The following HELZ variants were observed in gnomAD, a reference collection of about 807,000 sequenced individuals.
HELZ encodes the protein ATP-dependent RNA helicase with zinc finger domain.
In HELZ, 23 loss-of-function variants were observed where a neutral mutation model predicts 218.2. The observed-to-expected ratio is 0.11, with a 90% CI of 0.08 to 0.15. The LOEUF (loss-of-function observed/expected upper bound fraction) is 0.15, where lower values mean the gene tolerates loss of function less well. HELZ is among the 10% of genes least tolerant of loss of function. The probability of loss-of-function intolerance (pLI) is 1.00; values close to 1 mark genes in which losing one functional copy is unlikely to be tolerated. For synonymous variants in HELZ, 814 were observed against 829.4 expected (o/e 0.98, Z 0.32); for missense variants, 1,813 against 2,353.7 (o/e 0.77, Z 4.75).
At chr17:67,079,770 T>A (rs2143524626) in intron 32 of HELZ, among the ~76,000 whole-genome samples, 1 of 152,372 alleles carries the variant, frequency 6.6e-6, no homozygotes, top group East Asian at 1.9e-4. Flanking sequence ...TTGTTGTGGT[T>A]ACAGTTTGCA....
chr17:67,082,439 A>G (rs2036223776), intron 32 of HELZ, among the ~76,000 whole-genome samples: 1 of 152,260 alleles, frequency 6.6e-6, no homozygotes, highest in Non-Finnish European at 1.5e-5. Context: ...AAACCATGTT[A>G]ACATCAGCAA....
At chr17:67,119,993 CTTTTTT>C (rs56893875) in intron 27 of HELZ, 79 of 161,876 alleles carry the variant, frequency 4.9e-4, no homozygotes, top group East Asian at 2.3e-3. Flanking sequence ...TCTCCCTTTT[CTTTTTT>C]TTTTTTTTTT....
chr17:67,217,316 G>C (rs1170969128), intron 4 of HELZ, among the ~76,000 whole-genome samples: 1 of 152,118 alleles, frequency 6.6e-6, no homozygotes, highest in Non-Finnish European at 1.5e-5. Flanking sequence ...TAGGAAACCT[G>C]ATTGCTTCTA....
intron 24 of HELZ, 88 bp downstream of exon 24, chr17:67,128,563 T>C: frequency 8.5e-7 from 1 of 1,174,904 alleles, no homozygotes; most frequent in Admixed American, 1.8e-5. Flanking sequence ...TTCCAACACT[T>C]AAAGTAACTT....
intron 26 of HELZ, among the ~76,000 whole-genome samples, chr17:67,121,619 G>A (rs2037613163): frequency 6.6e-6 from 1 of 152,222 alleles, no homozygotes; most frequent in African/African-American, 2.4e-5. Context: ...ATCTCAGCCT[G>A]AAATTACAGT....
At chr17:67,098,348 T>C (rs1053935929) in intron 31 of HELZ, among the ~76,000 whole-genome samples, 1 of 152,196 alleles carries the variant, frequency 6.6e-6, no homozygotes, top group African/African-American at 2.4e-5. Context: ...AAATGATCTT[T>C]AAGGCCTGAC....
intron 13 of HELZ, among the ~76,000 whole-genome samples, chr17:67,173,620 C>G (rs192254254): frequency 6.6e-6 from 1 of 152,276 alleles, no homozygotes; most frequent in Admixed American, 6.5e-5. Context: ...AAAAATCTAA[C>G]AAAGTAATAA....
In HELZ at chr17:67,202,992, C is replaced by T. The variant is rs187616689; in HGVS notation, c.372+327G>A. Among the ~76,000 whole-genome samples the T allele has an allele frequency of 3.2e-3, 481 of 151,930 alleles. 4 individuals are homozygous for T. Among genetic ancestry groups the T allele is most frequent in the African/African-American group, 0.011 (463 of 41,448 alleles). On this transcript the variant is annotated intron_variant, in intron 6 of 32. Transcript: ENST00000358691. ...TCAAAAATTAGCAGGGATGGTAGTG[C>T]GCATCTGTAGTCCCAGCTACTCAGG...
chr17:67,117,395 G>A (rs952519923), intron 27 of HELZ, among the ~76,000 whole-genome samples: 5 of 152,022 alleles, frequency 3.3e-5, no homozygotes, highest in African/African-American at 1.2e-4. Context: ...AATTTCAAGA[G>A]AAATTAGGAA....
intron 24 of HELZ, among the ~76,000 whole-genome samples, chr17:67,128,197 T>C (rs1166262252): frequency 6.6e-6 from 1 of 152,230 alleles, no homozygotes; most frequent in Non-Finnish European, 1.5e-5. Context: ...TTTTTTACTC[T>C]GTCAAATACC....
Position 67,161,071 on chromosome 17 carries a change from C to A in HELZ, c.1901G>T (p.Trp634Leu). 6.2e-7 allele frequency: 1 copy of A among 1,603,948 alleles called. No homozygotes were observed. The highest frequency in any genetic ancestry group is 1.1e-5 in the South Asian group (1 of 89,264). Residue 634 changes from tryptophan to leucine, a missense_variant, in exon 16 of 33, where the codon TGG (tryptophan) becomes TTG (leucine). Coordinates refer to ENST00000358691, the MANE Select transcript of HELZ (RefSeq NM_014877.4). ...PTIPWSPNRQ[W>L]DEQLDPRLNA... is the part of the protein sequence containing the mutation. Reference sequence around the variant, plus strand: ...TAGTCGAGGATCCAACTGTTCATCCCATTGTCTATGGAAAATAAAAATTTA... The same window carrying A: ...TAGTCGAGGATCCAACTGTTCATCCAATTGTCTATGGAAAATAAAAATTTA...
At chr17:67,219,610 C>T (rs2040691703) in intron 3 of HELZ, among the ~76,000 whole-genome samples, 1 of 150,072 alleles carries the variant, frequency 6.7e-6, no homozygotes, top group Non-Finnish European at 1.5e-5. Flanking sequence ...ACAGCCTAAA[C>T]TCAAGGTACA....
intron 21 of HELZ, among the ~76,000 whole-genome samples, chr17:67,142,207 T>C (rs541934398): frequency 6.6e-6 from 1 of 151,880 alleles, no homozygotes; most frequent in Non-Finnish European, 1.5e-5. Context: ...TAACATTAAA[T>C]GTGAATGGAT....
chr17:67,089,664 TATATAG>T (rs1188881282), intron 31 of HELZ, among the ~76,000 whole-genome samples: 33 of 45,458 alleles, frequency 7.3e-4, no homozygotes, highest in Admixed American at 1.7e-3. Context: ...TATATATATA[TATATAG>T]AGAGAGAGAG....
At chr17:67,200,382 T>C (rs1032568488) in intron 7 of HELZ, among the ~76,000 whole-genome samples, 5 of 152,090 alleles carry the variant, frequency 3.3e-5, no homozygotes, top group African/African-American at 1.2e-4. Flanking sequence ...TATTTCCATC[T>C]CCTAAACACA....
intron 20 of HELZ, 130 bp from the exon 21 acceptor site, chr17:67,146,020 C>T: frequency 2.6e-6 from 2 of 773,850 alleles, no homozygotes; most frequent in Non-Finnish European, 4.1e-6. Flanking sequence ...CTCCAATCAT[C>T]TAATACTTGT....
intron 3 of HELZ, among the ~76,000 whole-genome samples, chr17:67,221,920 T>G (rs1243408079): frequency 6.6e-6 from 1 of 151,504 alleles, no homozygotes; most frequent in Non-Finnish European, 1.5e-5. Context: ...TCATAGCTCC[T>G]GCTGCCACAC....
At position 67,123,386 on chromosome 17, in the gene HELZ, T is replaced by A. The variant is rs576333484; in HGVS notation, c.3440-226A>T. ...TATACAAAGCATTCCTTTTATAAAC[T>A]AGCATAATTTTAAATATTTTCTGAG... On this transcript the variant is annotated intron_variant, in intron 25 of 32. Transcript: ENST00000358691. Among the ~76,000 whole-genome samples the A allele has an allele frequency of 2.0e-5, 3 of 152,298 alleles. No homozygotes were observed. The South Asian group carries it at 6.2e-4, about 32-fold the overall frequency.
intron 6 of HELZ, among the ~76,000 whole-genome samples, chr17:67,202,734 T>C (rs574605406): frequency 2.0e-5 from 3 of 152,332 alleles, no homozygotes; most frequent in East Asian, 1.9e-4. Context: ...TTAAATCATA[T>C]CTTCAAAGAA....
Sources: allele counts gnomAD v4.1 joint callset (sites outside exome capture counted in the v4.1 genomes callset), GRCh38; gene constraint gnomAD v4.1.1; transcripts MANE v1.5; gene names NCBI Gene and HGNC (gene_info 2026-07-23, HGNC 2026-07-21).